Variants in PRKCA observed in about 807,000 individuals in gnomAD.
The protein encoded by PRKCA is protein kinase C alpha type.
In PRKCA, 27 loss-of-function variants were observed where a neutral mutation model predicts 87.0. The observed-to-expected ratio is 0.31, with a 90% CI of 0.23 to 0.43. The LOEUF is 0.43. PRKCA is among the 20% of genes least tolerant of loss of function. The pLI is 1.00. For missense variants in PRKCA, 518 were observed against 852.3 expected (o/e 0.61, Z 4.88); for synonymous variants, 329 against 311.1 (o/e 1.06, Z -0.61).
At chr17:66,349,179 A>G (rs1907583931) in intron 2 of PRKCA, among the ~76,000 whole-genome samples, 1 of 152,214 alleles carries the variant, frequency 6.6e-6, no homozygotes, top group Admixed American at 6.5e-5. Context: ...GTGGACAGTC[A>G]TCTAATAAAA....
chr17:66,305,430 G>A (rs1248149343), intron 1 of PRKCA, among the ~76,000 whole-genome samples: 9 of 152,294 alleles, frequency 5.9e-5, no homozygotes, highest in East Asian at 5.8e-4. Flanking sequence ...GAACGTCCAC[G>A]TCAGGGTTCT....
At chr17:66,687,348 G>T (rs1345710294) in intron 6 of PRKCA, 81 bp downstream of exon 6, 1 of 1,450,610 alleles carries the variant, frequency 6.9e-7, no homozygotes, top group Non-Finnish European at 9.4e-7. Flanking sequence ...AATGAAGTAG[G>T]TTCATTATAA....
intron 13 of PRKCA, among the ~76,000 whole-genome samples, chr17:66,745,842 T>C (rs1974266942): frequency 2.0e-5 from 3 of 152,184 alleles, no homozygotes; most frequent in Admixed American, 2.0e-4. Flanking sequence ...AATTAGGCTT[T>C]GATCCCAAGC....
At chr17:66,742,530 C>T in intron 12 of PRKCA, 92 bp from the exon 13 acceptor site, 1 of 1,329,642 alleles carries the variant, frequency 7.5e-7, no homozygotes, top group South Asian at 1.3e-5. Flanking sequence ...ATTGAGCTGA[C>T]AGGTATTCAG....
intron 2 of PRKCA, among the ~76,000 whole-genome samples, chr17:66,489,781 CT>C (rs893273581): frequency 7.2e-5 from 10 of 139,456 alleles, no homozygotes; most frequent in South Asian, 2.3e-4. Context: ...CCTTTCTTTC[CT>C]TTTTTTTTTC....
intron 2 of PRKCA, among the ~76,000 whole-genome samples, chr17:66,338,062 G>C (rs1567778664): frequency 6.7e-6 from 1 of 149,676 alleles, no homozygotes; most frequent in African/African-American, 2.5e-5. Context: ...TGGAGAGGTA[G>C]TTTTAACCCG....
chr17:66,557,538 A>T (rs1281435829), intron 3 of PRKCA, among the ~76,000 whole-genome samples: 1 of 152,192 alleles, frequency 6.6e-6, no homozygotes, highest in Non-Finnish European at 1.5e-5. Flanking sequence ...CGAATGAATA[A>T]ATTCAACATA....
intron 3 of PRKCA, among the ~76,000 whole-genome samples, chr17:66,510,973 C>T (rs568841315): frequency 1.6e-4 from 25 of 152,136 alleles, no homozygotes; most frequent in African/African-American, 5.8e-4. Flanking sequence ...TCTCGAACTC[C>T]GGTACTCCGG....
intron 10 of PRKCA, among the ~76,000 whole-genome samples, chr17:66,736,294 T>TC: frequency 6.6e-6 from 1 of 151,648 alleles, no homozygotes; most frequent in Admixed American, 6.6e-5. Context: ...CTTTTTTTTT[T>TC]TGAGACGGAG....
chr17:66,544,345 G>A (rs1968084728), intron 3 of PRKCA, among the ~76,000 whole-genome samples: 2 of 152,176 alleles, frequency 1.3e-5, no homozygotes, highest in South Asian at 4.1e-4. Flanking sequence ...GGTCACCACT[G>A]TGATCATTGA....
chr17:66,408,346 G>A (rs540412824), intron 2 of PRKCA, among the ~76,000 whole-genome samples: 33 of 152,222 alleles, frequency 2.2e-4, no homozygotes, highest in African/African-American at 7.9e-4. Context: ...CCTTTGTAAT[G>A]GTATAATTTA....
At chr17:66,437,421 T>C (rs931432614) in intron 2 of PRKCA, among the ~76,000 whole-genome samples, 2 of 152,228 alleles carry the variant, frequency 1.3e-5, no homozygotes, top group Admixed American at 1.3e-4. Flanking sequence ...AAGTTTCTTA[T>C]TCATACTGCT....
In PRKCA at chr17:66,808,245, A is replaced by G. The variant is rs1229570475; in HGVS notation, c.*4208A>G. Reference sequence around the variant, plus strand: ...AAAAACAACTAACACCGCACAACTAACAACTAACACCGCAGTTCCCACCTG... The same window carrying G: ...AAAAACAACTAACACCGCACAACTAGCAACTAACACCGCAGTTCCCACCTG... On this transcript the variant is annotated 3_prime_UTR_variant, in exon 17 of 17. Transcript: ENST00000413366. 6.6e-6 allele frequency: 1 copy of G among 151,858 alleles called. No individual in the cohort carries two copies. Among genetic ancestry groups the G allele is most frequent in the African/African-American group, 2.4e-5 (1 of 41,280 alleles). 9.4% of individuals were successfully genotyped at this position (151,858 alleles called of 1,614,324 possible).
chr17:66,315,694 G>A (rs34275510), intron 2 of PRKCA, among the ~76,000 whole-genome samples: 21,116 of 152,062 alleles, frequency 0.14, 1,769 homozygotes, highest in Middle Eastern at 0.31. Flanking sequence ...TGGCCAGGCC[G>A]GTGTTGAACT....
chr17:66,706,637 C>CAAA (rs200189418), intron 8 of PRKCA, among the ~76,000 whole-genome samples: 131 of 104,316 alleles, frequency 1.3e-3, no homozygotes, highest in African/African-American at 3.6e-3. Context: ...GGCTCTGTCT[C>CAAA]AAAAAAAAAA....
intron 2 of PRKCA, among the ~76,000 whole-genome samples, chr17:66,330,344 T>C (rs1417735215): frequency 6.6e-6 from 1 of 152,036 alleles, no homozygotes; most frequent in Non-Finnish European, 1.5e-5. Flanking sequence ...TGACCTCAGG[T>C]GATCCCCCTG....
At chr17:66,636,357 CAT>C (rs1277638605) in intron 3 of PRKCA, among the ~76,000 whole-genome samples, 1 of 152,208 alleles carries the variant, frequency 6.6e-6, no homozygotes, top group Non-Finnish European at 1.5e-5. Flanking sequence ...TGGCATCATC[CAT>C]ATAATTGAGA....
chr17:66,765,490 TTGTCTTTATATATATA>T lies in PRKCA; in HGVS notation c.1525-8485_1525-8470del, dbSNP rs1256779501. ...TACATATTTGTCCATATATATATAT[TTGTCTTTATATATATA>T]TGTCTTTATATTTGTCTTTATATAT... is the stretch of plus-strand genomic sequence containing the variant. On this transcript the variant is annotated intron_variant, in intron 13 of 16. Transcript: ENST00000413366. Among the ~76,000 whole-genome samples, 8 of 133,324 alleles carry T rather than the reference TTGTCTTTATATATATA, an allele frequency of 6.0e-5. No individual in the cohort carries two copies. In the East Asian group the frequency reaches 1.5e-3, roughly 24 times the overall value. The allele number at this position is 133,324 out of a possible 152,430, so 87.5% of individuals were successfully genotyped here. A position where few individuals can be genotyped will look rare whatever the true frequency, so the allele number is the denominator to read the frequency against.
intron 2 of PRKCA, among the ~76,000 whole-genome samples, chr17:66,469,797 G>T (rs1203468638): frequency 6.6e-6 from 1 of 152,118 alleles, no homozygotes. Flanking sequence ...CCTAAGTGGG[G>T]GTATTTATGT....
Sources: allele counts gnomAD v4.1 joint callset (sites outside exome capture counted in the v4.1 genomes callset), GRCh38; gene constraint gnomAD v4.1.1; transcripts MANE v1.5; gene names NCBI Gene and HGNC (gene_info 2026-07-23, HGNC 2026-07-21).